The following PPP1CC variants were observed in gnomAD, a reference collection of about 807,000 sequenced individuals.
PPP1CC encodes the protein protein phosphatase 1 catalytic subunit gamma.
A neutral mutation model predicts 38.4 loss-of-function variants in PPP1CC; 16 were observed. The ratio of observed to expected loss-of-function variants is 0.42; its 90% CI spans 0.28 to 0.63. The LOEUF is 0.63. Ranked by LOEUF, PPP1CC falls within the 30% of genes least tolerant of loss-of-function variation. The probability of loss-of-function intolerance (pLI) is 0.25; values close to 1 mark genes in which losing one functional copy is unlikely to be tolerated. For synonymous variants in PPP1CC, 158 were observed against 136.0 expected (o/e 1.16, Z -1.13); for missense variants, 170 against 391.3 (o/e 0.43, Z 4.77).
downstream of PPP1CC, among the ~76,000 whole-genome samples, chr12:110,718,866 C>T (rs1248355217): frequency 6.6e-6 from 1 of 152,032 alleles, no homozygotes; most frequent in Non-Finnish European, 1.5e-5. Flanking sequence ...GATCTCAGGT[C>T]CTAAAACCAA....
At chr12:110,718,576 C>T (rs115205480), downstream of PPP1CC, among the ~76,000 whole-genome samples, 721 of 152,282 alleles carry the variant, frequency 4.7e-3, 4 homozygotes, top group African/African-American at 0.017. Flanking sequence ...ACTCAGCCAA[C>T]CGAGATGTGC....
chr12:110,737,594 C>T (rs1445077839), intron 1 of PPP1CC, among the ~76,000 whole-genome samples: 1 of 151,452 alleles, frequency 6.6e-6, no homozygotes. Context: ...GTTTCCACAC[C>T]CTGCCCTCTC....
Position 110,737,477 on chromosome 12 carries a change from C to CAAAAAAAAAAAAAAA in PPP1CC, c.55+5161_55+5175dup, listed in dbSNP as rs71083137. Among the ~76,000 whole-genome samples the CAAAAAAAAAAAAAAA allele has an allele frequency of 2.5e-3, 106 of 42,472 alleles. 2 individuals are homozygous for CAAAAAAAAAAAAAAA. The highest frequency in any genetic ancestry group is 2.9e-3 in the Non-Finnish European group (70 of 23,778). 27.9% of individuals were successfully genotyped at this position (42,472 alleles called of 152,430 possible). ...CCAGCCTGGGTGACAAAGAAAGACT[C>CAAAAAAAAAAAAAAA]AAAAAAAAAAAAAAAAAAAAAAAAG... On this transcript the variant is annotated intron_variant, in intron 1 of 6. Transcript: ENST00000335007.
At chr12:110,728,109 T>A (rs2069823261) in intron 3 of PPP1CC, among the ~76,000 whole-genome samples, 2 of 152,316 alleles carry the variant, frequency 1.3e-5, no homozygotes, top group South Asian at 4.1e-4. Flanking sequence ...ATCCTTTAAC[T>A]CAAGAGCAGG....
chr12:110,735,390 C>G (rs1396687018), intron 1 of PPP1CC, among the ~76,000 whole-genome samples: 1 of 152,138 alleles, frequency 6.6e-6, no homozygotes, highest in Non-Finnish European at 1.5e-5. Flanking sequence ...GTGACTTAGT[C>G]CAAGGTCACA....
intron 3 of PPP1CC, among the ~76,000 whole-genome samples, chr12:110,728,520 A>G (rs1593578223): frequency 1.3e-5 from 2 of 152,256 alleles, no homozygotes; most frequent in African/African-American, 4.8e-5. Flanking sequence ...AGGGAGGCTG[A>G]GGTGAAAGGA....
In PPP1CC at chr12:110,722,784, A is replaced by G. The variant is rs2069754660; in HGVS notation, c.524-89T>C. ...AAAAGTTCCATTTGTCTACAGAGAAATTCAATAATCCTGACATAAAAACTG... is the reference window on the plus strand; with the variant it reads ...AAAAGTTCCATTTGTCTACAGAGAAGTTCAATAATCCTGACATAAAAACTG... On this transcript the variant is annotated intron_variant, in intron 4 of 6. Transcript: ENST00000335007. The surrounding 1 kb of genome is among the most constrained non-coding windows in gnomAD (Gnocchi z 5.4). 1 of 965,150 alleles carries G rather than the reference A, an allele frequency of 1.0e-6. No individual in the cohort carries two copies. The highest frequency in any genetic ancestry group is 1.7e-5 in the South Asian group (1 of 57,328). 59.8% of individuals were successfully genotyped at this position (965,150 alleles called of 1,614,324 possible). A position where few individuals can be genotyped will look rare whatever the true frequency, so the allele number is the denominator to read the frequency against.
chr12:110,731,007 T>C (rs1180821574), intron 2 of PPP1CC, among the ~76,000 whole-genome samples: 1 of 152,180 alleles, frequency 6.6e-6, no homozygotes, highest in Non-Finnish European at 1.5e-5. Context: ...CTATTAAGAA[T>C]TTATTCTGTG....
chr12:110,721,286 A>G, intron 6 of PPP1CC, 121 bp from the exon 7 acceptor site: 1 of 707,130 alleles, frequency 1.4e-6, no homozygotes, highest in South Asian at 1.8e-5. Flanking sequence ...CAACTGTAAA[A>G]GCCCCCCTAG....
intron 3 of PPP1CC, among the ~76,000 whole-genome samples, chr12:110,728,397 C>CAAAAAAAAAA (rs1234259790): frequency 2.5e-5 from 2 of 78,674 alleles, no homozygotes; most frequent in South Asian, 5.4e-4. Flanking sequence ...GACTCCGTCT[C>CAAAAAAAAAA]AAAAAAAAAA....
chr12:110,709,647 C>A, the PPP1CC span, among the ~76,000 whole-genome samples: 1 of 150,762 alleles, frequency 6.6e-6, no homozygotes, highest in African/African-American at 2.4e-5. Flanking sequence ...CAACCTTTGC[C>A]TCCCTCGTTC....
At chr12:110,735,600 G>C (rs1252466529) in intron 1 of PPP1CC, among the ~76,000 whole-genome samples, 1 of 151,764 alleles carries the variant, frequency 6.6e-6, no homozygotes, top group Non-Finnish European at 1.5e-5. Flanking sequence ...TGGCCAACAT[G>C]GTGAAACCCC....
In PPP1CC at chr12:110,722,738, T is replaced by C. The variant is rs1275321861; in HGVS notation, c.524-43A>G. On this transcript the variant is annotated intron_variant, in intron 4 of 6. Coordinates refer to ENST00000335007, the MANE Select transcript of PPP1CC (RefSeq NM_002710.4). This position sits in a 1 kb window ranked among gnomAD's most constrained non-coding sequence, Gnocchi z 5.4. ...AAAAAAAATGAAGAAAGCAGAACTT[T>C]TAAAAGGATACTACCCCTTCAAAAG... 6.7e-7 allele frequency: 1 copy of C among 1,497,970 alleles called. No individual in the cohort carries two copies. The highest frequency in any genetic ancestry group is 9.1e-7 in the Non-Finnish European group (1 of 1,103,202). The allele number at this position is 1,497,970 out of a possible 1,614,324, so 92.8% of individuals were successfully genotyped here. A position where few individuals can be genotyped will look rare whatever the true frequency, so the allele number is the denominator to read the frequency against.
At chr12:110,728,868 T>C (rs1375800622) in intron 3 of PPP1CC, among the ~76,000 whole-genome samples, 1 of 152,184 alleles carries the variant, frequency 6.6e-6, no homozygotes, top group Non-Finnish European at 1.5e-5. Context: ...GTAGAAGGGC[T>C]CAGTTTGTGA....
chr12:110,713,639 G>A, the PPP1CC span, among the ~76,000 whole-genome samples: 5 of 152,082 alleles, frequency 3.3e-5, no homozygotes, highest in African/African-American at 1.2e-4. Flanking sequence ...GAAGCTGTTC[G>A]GGGACAAGCA....
chr12:110,733,276 G>C (rs1362625067), intron 1 of PPP1CC, among the ~76,000 whole-genome samples: 1 of 152,152 alleles, frequency 6.6e-6, no homozygotes, highest in Admixed American at 6.5e-5. Context: ...TTTTTGGCTA[G>C]GAAGGAAATC....
intron 3 of PPP1CC, among the ~76,000 whole-genome samples, chr12:110,728,613 A>C (rs181142247): frequency 1.3e-3 from 192 of 152,088 alleles, no homozygotes; most frequent in African/African-American, 4.5e-3. Context: ...CTCAAAAACA[A>C]ACAAAAAAAA....
upstream of PPP1CC, chr12:110,742,891 G>GCCAGAATTTTTTCTTAT: frequency 2.4e-6 from 1 of 418,424 alleles, no homozygotes; most frequent in Non-Finnish European, 4.1e-6. Flanking sequence ...ACCACGAGAA[G>GCCAGAATTTTTTCTTAT]AACAAAATGG....
At chr12:110,717,176 G>A (rs964205434), downstream of PPP1CC, among the ~76,000 whole-genome samples, 1 of 152,138 alleles carries the variant, frequency 6.6e-6, no homozygotes, top group Non-Finnish European at 1.5e-5. Context: ...CAATCCCATC[G>A]TTAAGTATTC....
Sources: allele counts gnomAD v4.1 joint callset (sites outside exome capture counted in the v4.1 genomes callset), GRCh38; gene constraint gnomAD v4.1.1; non-coding constraint Gnocchi (gnomAD v3.1); transcripts MANE v1.5; gene names NCBI Gene and HGNC (gene_info 2026-07-23, HGNC 2026-07-21).